Variants in MEIKIN observed in about 807,000 individuals in gnomAD.
The protein encoded by MEIKIN is meiosis-specific kinetochore protein.
At chr5:131,887,008 G>C (rs1400996169) in intron 8 of MEIKIN, among the ~76,000 whole-genome samples, 1 of 128,292 alleles carries the variant, frequency 7.8e-6, no homozygotes, top group Non-Finnish European at 1.6e-5. Context: ...ACAAGCCCCA[G>C]TGTGTGATTT....
intron 8 of MEIKIN, among the ~76,000 whole-genome samples, chr5:131,891,668 C>A (rs1750922036): frequency 6.6e-6 from 1 of 152,126 alleles, no homozygotes; most frequent in Admixed American, 6.6e-5. Context: ...ACTCTTTATC[C>A]AATTTGCCAG....
chr5:131,817,485 G>A (rs764438381), intron 12 of MEIKIN, among the ~76,000 whole-genome samples: 7 of 151,790 alleles, frequency 4.6e-5, no homozygotes, highest in South Asian at 4.2e-4. Context: ...GCGTGGTGGC[G>A]GGTGCCTGTA....
intron 8 of MEIKIN, among the ~76,000 whole-genome samples, chr5:131,907,616 G>A (rs1751262481): frequency 6.6e-6 from 1 of 151,212 alleles, no homozygotes; most frequent in East Asian, 1.9e-4. Flanking sequence ...GCTCACGCCT[G>A]TAATCCCAGC....
chr5:131,855,682 AAGAC>A (rs935598901), intron 9 of MEIKIN, among the ~76,000 whole-genome samples: 7 of 152,076 alleles, frequency 4.6e-5, no homozygotes, highest in Non-Finnish European at 7.4e-5. Context: ...AAAAAAGAGA[AAGAC>A]AGAGAAGACA....
intron 9 of MEIKIN, among the ~76,000 whole-genome samples, chr5:131,871,762 T>A (rs1359192409): frequency 6.6e-6 from 1 of 152,176 alleles, no homozygotes; most frequent in African/African-American, 2.4e-5. Flanking sequence ...AGGGGCGGAC[T>A]GACACCTCAC....
At chr5:131,925,928 A>G (rs1580910265) in intron 5 of MEIKIN, among the ~76,000 whole-genome samples, 5 of 152,256 alleles carry the variant, frequency 3.3e-5, no homozygotes, top group Admixed American at 3.3e-4. Flanking sequence ...TTGGCCTCTT[A>G]AAGTGCTGGG....
intron 11 of MEIKIN, among the ~76,000 whole-genome samples, chr5:131,850,660 T>C (rs1580871932): frequency 6.6e-6 from 1 of 152,032 alleles, no homozygotes; most frequent in Admixed American, 6.6e-5. Context: ...CCTAATACTA[T>C]ACACAAAAAT....
chr5:131,919,952 T>C (rs1441000648), intron 6 of MEIKIN, among the ~76,000 whole-genome samples: 1 of 152,090 alleles, frequency 6.6e-6, no homozygotes, highest in Non-Finnish European at 1.5e-5. Context: ...CAATAACAAA[T>C]GAGTCTAGCT....
chr5:131,943,589 T>C (rs946212920), intron 3 of MEIKIN, among the ~76,000 whole-genome samples: 3 of 152,178 alleles, frequency 2.0e-5, no homozygotes, highest in Non-Finnish European at 4.4e-5. Context: ...GACTATTTAA[T>C]GTATGGGAAT....
intron 11 of MEIKIN, among the ~76,000 whole-genome samples, chr5:131,841,505 T>C (rs1324585038): frequency 6.6e-6 from 1 of 152,224 alleles, no homozygotes. Context: ...TGTTTTCAAA[T>C]ATAGCTTGAA....
At chr5:131,901,802 C>T (rs959450527) in intron 8 of MEIKIN, among the ~76,000 whole-genome samples, 5 of 152,134 alleles carry the variant, frequency 3.3e-5, no homozygotes, top group Admixed American at 1.3e-4. Flanking sequence ...AACAAGAAAA[C>T]CCCCAAGGAT....
At chr5:131,815,373 A>G (rs889731761) in intron 12 of MEIKIN, among the ~76,000 whole-genome samples, 1 of 152,186 alleles carries the variant, frequency 6.6e-6, no homozygotes, top group African/African-American at 2.4e-5. Flanking sequence ...AATAAATGGT[A>G]CTTTTTTTCC....
At chr5:131,815,358 C>T (rs1773082758) in intron 12 of MEIKIN, among the ~76,000 whole-genome samples, 1 of 152,202 alleles carries the variant, frequency 6.6e-6, no homozygotes, top group South Asian at 2.1e-4. Context: ...TCTGAATCAG[C>T]ATCCAATAAA....
chr5:131,816,364 T>C (rs1773098900), intron 12 of MEIKIN, among the ~76,000 whole-genome samples: 1 of 152,252 alleles, frequency 6.6e-6, no homozygotes, highest in South Asian at 2.1e-4. Context: ...ATAAACTTTA[T>C]ATAAACTTCA....
At chr5:131,831,738 G>C (rs1443083286) in intron 11 of MEIKIN, among the ~76,000 whole-genome samples, 1 of 152,164 alleles carries the variant, frequency 6.6e-6, no homozygotes, top group Non-Finnish European at 1.5e-5. Flanking sequence ...GTGCCACATG[G>C]CTGGGGAGGC....
At chr5:131,825,141 G>C (rs376762588) in intron 11 of MEIKIN, among the ~76,000 whole-genome samples, 1 of 152,010 alleles carries the variant, frequency 6.6e-6, no homozygotes, top group Non-Finnish European at 1.5e-5. Context: ...TCAAGGATAC[G>C]GTGATCCATG....
intron 11 of MEIKIN, among the ~76,000 whole-genome samples, chr5:131,836,752 T>C (rs891020535): frequency 2.6e-5 from 4 of 151,962 alleles, no homozygotes; most frequent in Non-Finnish European, 2.9e-5. Context: ...TTTTTTTTTT[T>C]CTTGTAAATC....
chr5:131,940,411 T>C (rs1454976671), intron 4 of MEIKIN, among the ~76,000 whole-genome samples: 1 of 152,240 alleles, frequency 6.6e-6, no homozygotes, highest in Non-Finnish European at 1.5e-5. Context: ...ATATTTTTAG[T>C]TCCCAGGGAC....
chr5:131,807,348 T>A (rs1343157893), intron 12 of MEIKIN, 90 bp from the exon 13 acceptor site: 2 of 396,822 alleles, frequency 5.0e-6, no homozygotes, highest in East Asian at 7.2e-5. Context: ...AGAGAGCACT[T>A]AATGCCCAGG....
Sources: allele counts gnomAD v4.1 joint callset (sites outside exome capture counted in the v4.1 genomes callset), GRCh38; gene constraint gnomAD v4.1.1; transcripts MANE v1.5; gene names NCBI Gene and HGNC (gene_info 2026-07-23, HGNC 2026-07-21).